The following ZFPM1 variants were observed in gnomAD, a reference collection of about 807,000 sequenced individuals.
ZFPM1 encodes zinc finger protein, FOG family member 1, also known as zinc finger protein ZFPM1.
In ZFPM1, 28 loss-of-function variants were observed where a neutral mutation model predicts 46.3. That is an observed-to-expected ratio of 0.60 (90% CI 0.45 to 0.83). The LOEUF is 0.83. ZFPM1 is among the 40% of genes least tolerant of loss of function. The probability of loss-of-function intolerance (pLI) is 0.00; values close to 1 mark genes in which losing one functional copy is unlikely to be tolerated. For synonymous variants in ZFPM1, 957 were observed against 675.9 expected, an observed-to-expected ratio of 1.42 and a Z score of -6.45; for missense variants, 1,878 against 1,432.4, an observed-to-expected ratio of 1.31 and a Z score of -5.02.
chr16:88,458,655 C>G (rs1370504838), intron 1 of ZFPM1, among the ~76,000 whole-genome samples: 1 of 152,240 alleles, frequency 6.6e-6, no homozygotes, highest in Non-Finnish European at 1.5e-5. Context: ...TATCACCAAC[C>G]CCATGGACCC....
Position 88,532,840 on chromosome 16 carries a change from G to T in ZFPM1, c.1094G>T (p.Ser365Ile). ...TCCACCACAAGGGACATCCTCTACA[G>T]CCACTTGGTCACCAACCACATGGTC... ...FISTTRDILY[S>I]HLVTNHMVCQ... Residue 365 changes from serine (S) to isoleucine (I), a missense_variant, in exon 9 of 10, where the codon AGC becomes ATC. Transcript: ENST00000319555. 1 of 1,613,470 alleles carries T rather than the reference G, an allele frequency of 6.2e-7. No individual in the cohort carries two copies. The highest frequency in any genetic ancestry group is 8.5e-7 in the Non-Finnish European group (1 of 1,179,968).
At chr16:88,490,990 G>A (rs993749749) in intron 3 of ZFPM1, among the ~76,000 whole-genome samples, 22 of 152,126 alleles carry the variant, frequency 1.4e-4, no homozygotes, top group Non-Finnish European at 2.9e-4. Flanking sequence ...CACACCTGTC[G>A]GGGGTCAGAC....
At chr16:88,512,224 G>A (rs1039907855) in intron 3 of ZFPM1, among the ~76,000 whole-genome samples, 5 of 152,168 alleles carry the variant, frequency 3.3e-5, no homozygotes, top group African/African-American at 1.2e-4. Context: ...CACCAGTTCT[G>A]CCCTCCCACT....
At chr16:88,483,369 C>A (rs571422663) in intron 1 of ZFPM1, among the ~76,000 whole-genome samples, 1 of 152,138 alleles carries the variant, frequency 6.6e-6, no homozygotes, top group African/African-American at 2.4e-5. Context: ...GGCCAGGACC[C>A]TGCCTGCCCT....
chr16:88,499,169 G>T (rs1910109755), intron 3 of ZFPM1, among the ~76,000 whole-genome samples: 2 of 152,078 alleles, frequency 1.3e-5, no homozygotes, highest in Admixed American at 6.5e-5. Flanking sequence ...ACCCACCCCA[G>T]CCCTGGCCAT....
At chr16:88,456,598 G>C (rs1567523782) in intron 1 of ZFPM1, among the ~76,000 whole-genome samples, 1 of 152,166 alleles carries the variant, frequency 6.6e-6, no homozygotes. Context: ...GGTGGTCAGG[G>C]ACACTTCTTG....
intron 4 of ZFPM1, among the ~76,000 whole-genome samples, chr16:88,519,164 CATGGGTGGGTGG>C (rs1329542654): frequency 4.8e-4 from 21 of 43,514 alleles, no homozygotes; most frequent in African/African-American, 1.5e-3. Context: ...TGGGTGGATG[CATGGGTGGGTGG>C]ATGGGTGGGT....
chr16:88,493,039 ATGGAGAGCTATCCCGGGGT>A (rs1909674048), intron 3 of ZFPM1, among the ~76,000 whole-genome samples: 1 of 54,058 alleles, frequency 1.8e-5, no homozygotes, highest in African/African-American at 7.4e-5. Flanking sequence ...GTCCCGGGGT[ATGGAGAGCTATCCCGGGGT>A]GCGGAGAGCT....
chr16:88,532,126 C>T lies in ZFPM1; in HGVS notation c.837C>T (p.Asp279=), dbSNP rs1264287435. ...GCTCCCCGGCCGCAGCCGCCACAGA[C>T]GAGAAGCCCAAAGAGACCTACCCCA... The part of the protein sequence containing the change: ...GTGSPAAAAT[D]EKPKETYPNE... The change falls in exon 7 of 10, where the codon GAC becomes GAT. Residue 279 remains aspartate, a synonymous_variant. Coordinates refer to ENST00000319555, the MANE Select transcript of ZFPM1 (RefSeq NM_153813.3). The T allele has an allele frequency of 3.1e-6, 5 of 1,612,536 alleles. No homozygotes were observed. Among genetic ancestry groups the T allele is most frequent in the Non-Finnish European group, 3.4e-6 (4 of 1,179,804 alleles).
At chr16:88,530,155 C>T (rs1912673530) in intron 6 of ZFPM1, among the ~76,000 whole-genome samples, 2 of 152,274 alleles carry the variant, frequency 1.3e-5, no homozygotes, top group Admixed American at 6.5e-5. Flanking sequence ...CGTAGTGTCT[C>T]GGGGTGCCCG....
chr16:88,510,392 C>T (rs1469430072), intron 3 of ZFPM1, among the ~76,000 whole-genome samples: 1 of 152,210 alleles, frequency 6.6e-6, no homozygotes, highest in African/African-American at 2.4e-5. Flanking sequence ...CCTCGGTCCC[C>T]CACTGCTTCC....
rs891673614 is a variant in ZFPM1 at position 88,534,827 on chromosome 16, G to T, written c.2869G>T (p.Val957Phe). 2.6e-6 allele frequency: 4 copies of T among 1,542,730 alleles called. No homozygotes were observed. In the African/African-American group the frequency reaches 4.2e-5, roughly 16 times the overall value. Residue 957 changes from valine (V) to phenylalanine (F), a missense_variant, in exon 10 of 10, where the codon GTC (valine) becomes TTC (phenylalanine). By Grantham distance (50) the Val-to-Phe change is conservative. Coordinates refer to ENST00000319555, the MANE Select transcript of ZFPM1 (RefSeq NM_153813.3). ...PAPPSYSDKG[V>F]QTPSKGTPAP... ...GCCCCCCTCCTACTCGGACAAGGGC[G>T]TCCAGACTCCCAGCAAGGGCACGCC...
intron 3 of ZFPM1, among the ~76,000 whole-genome samples, chr16:88,503,014 G>A (rs73259784): frequency 0.014 from 2,169 of 152,350 alleles, 47 homozygotes; most frequent in African/African-American, 0.05. Flanking sequence ...GGCTGTGTGC[G>A]GTCTCTTCGG....
intron 5 of ZFPM1, among the ~76,000 whole-genome samples, chr16:88,527,188 G>C (rs1220287811): frequency 6.6e-6 from 1 of 152,180 alleles, no homozygotes; most frequent in Non-Finnish European, 1.5e-5. Context: ...TGCCCCTCTG[G>C]GGGACACCGT....
At chr16:88,470,906 C>T (rs1433683987) in intron 1 of ZFPM1, among the ~76,000 whole-genome samples, 2 of 152,082 alleles carry the variant, frequency 1.3e-5, no homozygotes, top group African/African-American at 2.4e-5. Flanking sequence ...GCCGAGCGCA[C>T]AGTGGGAGCT....
At position 88,534,318 on chromosome 16, in the gene ZFPM1, C is replaced by A; in HGVS notation, c.2360C>A (p.Pro787His). Residue 787 changes from proline (P) to histidine (H), a missense_variant, in exon 10 of 10, where the codon CCC becomes CAC. By Grantham distance (77) the Pro-to-His change is moderately conservative. Transcript: ENST00000319555. Reference sequence around the variant, plus strand: ...CCCGGCCTCGCCCCTGCGCGCTCGCCCGGCCCCGCGGCCGACGGCCCCATC... The same window carrying A: ...CCCGGCCTCGCCCCTGCGCGCTCGCACGGCCCCGCGGCCGACGGCCCCATC... ...SGPGLAPARS[P>H]GPAADGPIDL... is the part of the protein sequence containing the mutation. The A allele has an allele frequency of 7.5e-7, 1 of 1,328,234 alleles. No individual in the cohort carries two copies. 82.3% of individuals were successfully genotyped at this position (1,328,234 alleles called of 1,614,324 possible). A position where few individuals can be genotyped will look rare whatever the true frequency, so the allele number is the denominator to read the frequency against.
chr16:88,535,954 C>T lies in ZFPM1; in HGVS notation c.*975C>T, dbSNP rs1009840502. On this transcript the variant is annotated 3_prime_UTR_variant, in exon 10 of 10. Coordinates refer to ENST00000319555, the MANE Select transcript of ZFPM1 (RefSeq NM_153813.3). ...GGAGAACAAAAACACTCTTCTATTC[C>T]CAACGTCACTTTATTTTTTTATTTT... 8.5e-5 allele frequency: 13 copies of T among 152,216 alleles called. No homozygotes were observed. The highest frequency in any genetic ancestry group is 2.7e-4 in the African/African-American group (11 of 41,460). The allele number at this position is 152,216 out of a possible 1,614,324, so 9.4% of individuals were successfully genotyped here. A position where few individuals can be genotyped will look rare whatever the true frequency, so the allele number is the denominator to read the frequency against.
In ZFPM1 at chr16:88,485,971, G is replaced by A. The variant is rs139122310; in HGVS notation, c.73G>A (p.Val25Met). Reference protein sequence around the residue: ...SLGDMEAREEVQLVGASHMEQ... With the variant: ...SLGDMEAREEMQLVGASHMEQ... The stretch of plus-strand genomic sequence containing the variant: ...CGGAGACATGGAGGCCAGAGAGGAG[G>A]TGCAGTTGGTGGGTGCCAGCCACAT... Residue 25 changes from valine (V) to methionine (M), a missense_variant, in exon 2 of 10, where the codon GTG becomes ATG. Coordinates refer to ENST00000319555, the MANE Select transcript of ZFPM1 (RefSeq NM_153813.3). The A allele has an allele frequency of 5.5e-5, 89 of 1,612,878 alleles. No homozygotes were observed. In the African/African-American group the frequency reaches 6.0e-4, roughly 11 times the overall value.
At chr16:88,529,335 G>A (rs918567653) in intron 6 of ZFPM1, among the ~76,000 whole-genome samples, 5 of 152,230 alleles carry the variant, frequency 3.3e-5, no homozygotes, top group African/African-American at 7.2e-5. Context: ...TGACCACAGA[G>A]TCACAAAACT....
Sources: allele counts gnomAD v4.1 joint callset (sites outside exome capture counted in the v4.1 genomes callset), GRCh38; gene constraint gnomAD v4.1.1; transcripts MANE v1.5; gene names NCBI Gene and HGNC (gene_info 2026-07-23, HGNC 2026-07-21).